Variants in TMEM132C observed in about 807,000 individuals in gnomAD.
TMEM132C encodes the protein transmembrane protein 132C.
Under a neutral mutation model 61.4 loss-of-function variants are expected in TMEM132C, and 29 were observed. That is an observed-to-expected ratio of 0.47 (90% CI 0.35 to 0.64). The LOEUF (loss-of-function observed/expected upper bound fraction) is 0.64. Ranked by LOEUF, TMEM132C falls within the 30% of genes least tolerant of loss-of-function variation. The pLI, the probability that TMEM132C is intolerant of heterozygous loss-of-function variation, is 0.00. For missense variants in TMEM132C, 1,408 were observed against 1,476.9 expected, an observed-to-expected ratio of 0.95 and a Z score of 0.76; for synonymous variants, 656 against 633.1, an observed-to-expected ratio of 1.04 and a Z score of -0.54.
At chr12:128,465,222 A>G (rs1005867194) in intron 2 of TMEM132C, among the ~76,000 whole-genome samples, 8 of 148,196 alleles carry the variant, frequency 5.4e-5, no homozygotes, top group Admixed American at 2.7e-4. Flanking sequence ...TTTTTGAGAC[A>G]GTGTCTTGCT....
chr12:128,665,799 ACATT>A (rs1954458453), intron 4 of TMEM132C, among the ~76,000 whole-genome samples: 1 of 144,686 alleles, frequency 6.9e-6, no homozygotes, highest in Non-Finnish European at 1.5e-5. Flanking sequence ...AGGCACACAC[ACATT>A]CACAGGCACA....
chr12:128,385,428 A>AC (rs1424197646), intron 1 of TMEM132C, among the ~76,000 whole-genome samples: 2 of 127,396 alleles, frequency 1.6e-5, no homozygotes, highest in Admixed American at 1.6e-4. Context: ...GCCTGATAGG[A>AC]TCATTGCAAA....
intron 1 of TMEM132C, among the ~76,000 whole-genome samples, chr12:128,325,258 C>G (rs1872468152): frequency 6.6e-6 from 1 of 152,168 alleles, no homozygotes; most frequent in Non-Finnish European, 1.5e-5. Flanking sequence ...TCCCTAAATT[C>G]AATGCCCAGA....
chr12:128,616,103 G>C, intron 3 of TMEM132C, 49 bp from the exon 4 acceptor site: 1 of 1,533,682 alleles, frequency 6.5e-7, no homozygotes, highest in Non-Finnish European at 8.8e-7. Context: ...GGAGAGAAGG[G>C]TCCTTTGAAC....
intron 1 of TMEM132C, among the ~76,000 whole-genome samples, chr12:128,387,859 G>C (rs1874635608): frequency 6.6e-6 from 1 of 152,150 alleles, no homozygotes; most frequent in Admixed American, 6.5e-5. Flanking sequence ...AGACGTGGGT[G>C]TTTGTGCAGG....
intron 2 of TMEM132C, among the ~76,000 whole-genome samples, chr12:128,431,550 CTTTTTTTTT>C (rs386378189): frequency 2.0e-5 from 2 of 98,906 alleles, no homozygotes; most frequent in South Asian, 4.3e-4. Context: ...CCATCTAGGA[CTTTTTTTTT>C]TTTTTTTTTT....
At chr12:128,610,201 C>G (rs995708012) in intron 3 of TMEM132C, among the ~76,000 whole-genome samples, 1 of 152,204 alleles carries the variant, frequency 6.6e-6, no homozygotes, top group Non-Finnish European at 1.5e-5. Context: ...AAGCCTGGAT[C>G]GAGTGATTCT....
At chr12:128,309,509 C>G (rs1390160635) in intron 1 of TMEM132C, among the ~76,000 whole-genome samples, 1 of 152,116 alleles carries the variant, frequency 6.6e-6, no homozygotes, top group Admixed American at 6.5e-5. Context: ...CAGAAGAACC[C>G]CCCATACCCA....
At chr12:128,389,676 G>C (rs4882756) in intron 1 of TMEM132C, among the ~76,000 whole-genome samples, 42,856 of 151,886 alleles carry the variant, frequency 0.28, 6,793 homozygotes, top group East Asian at 0.5. Context: ...AGAGGACATG[G>C]CCAGCCCTGT....
In TMEM132C at chr12:128,386,861, G is replaced by C. The variant is rs143444295; in HGVS notation, c.86-27871G>C. On this transcript the variant is annotated intron_variant, in intron 1 of 8. Transcript: ENST00000435159. ...AACTGGAAATGGGAACAGTGTGGTG[G>C]CTCACACCTGTGATCCCAGTACCTT... Among the ~76,000 whole-genome samples the C allele has an allele frequency of 2.8e-3, 431 of 152,288 alleles. 5 individuals are homozygous for C. Among genetic ancestry groups the C allele is most frequent in the African/African-American group, 0.01 (418 of 41,570 alleles).
intron 1 of TMEM132C, among the ~76,000 whole-genome samples, chr12:128,289,850 C>T (rs1047836031): frequency 2.6e-5 from 4 of 152,188 alleles, no homozygotes; most frequent in African/African-American, 4.8e-5. Flanking sequence ...CCCAAAACAT[C>T]AAGCTAAATA....
intron 2 of TMEM132C, among the ~76,000 whole-genome samples, chr12:128,514,709 C>A (rs1872667031): frequency 1.3e-5 from 2 of 152,254 alleles, no homozygotes; most frequent in South Asian, 4.1e-4. Context: ...CTCTCTACAC[C>A]CTTGCAAAGA....
intron 3 of TMEM132C, among the ~76,000 whole-genome samples, chr12:128,568,519 C>T (rs1874773504): frequency 6.6e-6 from 1 of 152,314 alleles, no homozygotes; most frequent in Non-Finnish European, 1.5e-5. Flanking sequence ...TTTATGCAGA[C>T]TTATTTAATC....
At chr12:128,638,152 T>G (rs1328249679) in intron 4 of TMEM132C, among the ~76,000 whole-genome samples, 1 of 152,200 alleles carries the variant, frequency 6.6e-6, no homozygotes, top group East Asian at 1.9e-4. Context: ...GACTGAAGGC[T>G]AAATAATGAG....
chr12:128,616,323 T>C lies in TMEM132C; in HGVS notation c.1293T>C (p.Val431=). The C allele has an allele frequency of 6.4e-7, 1 of 1,551,754 alleles. No homozygotes were observed. Among genetic ancestry groups the C allele is most frequent in the Non-Finnish European group, 8.7e-7 (1 of 1,146,886 alleles). Residue 431 remains valine, a synonymous_variant, in exon 4 of 9, where the codon GTT becomes GTC. Transcript: ENST00000435159. Reference sequence around the variant, plus strand: ...GCCAGAAGGACCTGGTGGGCATCGTTCCCTTGGCTATGGTGAGTCCTGAGT... The same window carrying C: ...GCCAGAAGGACCTGGTGGGCATCGTCCCCTTGGCTATGGTGAGTCCTGAGT... ...FVSQKDLVGI[V]PLAMDTEILN...
chr12:128,414,705 T>C (rs969705809), intron 1 of TMEM132C, 27 bp from the exon 2 acceptor site: 1 of 1,490,200 alleles, frequency 6.7e-7, no homozygotes, highest in Non-Finnish European at 8.9e-7. Context: ...CTTTGTCTTT[T>C]TCTTTTCTTT....
intron 2 of TMEM132C, among the ~76,000 whole-genome samples, chr12:128,473,484 T>C (rs111355119): frequency 0.023 from 1,353 of 59,232 alleles, no homozygotes; most frequent in Admixed American, 0.032. Flanking sequence ...GCACTCCAGC[T>C]TCTATCTTCA....
At chr12:128,298,848 A>C (rs968509657) in intron 1 of TMEM132C, among the ~76,000 whole-genome samples, 1 of 152,230 alleles carries the variant, frequency 6.6e-6, no homozygotes, top group African/African-American at 2.4e-5. Context: ...CCTGTCCTGC[A>C]CAGCATTTCC....
At chr12:128,547,542 C>T (rs551767924) in intron 3 of TMEM132C, among the ~76,000 whole-genome samples, 21 of 141,542 alleles carry the variant, frequency 1.5e-4, no homozygotes, top group Non-Finnish European at 2.6e-4. Context: ...CCAGCCTGGG[C>T]GACAGAGCAA....
Sources: allele counts gnomAD v4.1 joint callset (sites outside exome capture counted in the v4.1 genomes callset), GRCh38; gene constraint gnomAD v4.1.1; transcripts MANE v1.5; gene names NCBI Gene and HGNC (gene_info 2026-07-23, HGNC 2026-07-21).